Variants in FGF13 observed in about 807,000 individuals in gnomAD.
The protein encoded by FGF13 is fibroblast growth factor 13.
In FGF13, 2 loss-of-function variants were observed where a neutral mutation model predicts 19.5. The ratio of observed to expected loss-of-function variants is 0.10; its 90% CI spans 0.04 to 0.32. The LOEUF (loss-of-function observed/expected upper bound fraction) is 0.32. Among genes scored for constraint, FGF13 ranks in the 10% least tolerant of loss-of-function variants. The pLI is 1.00. For missense variants in FGF13, 113 were observed against 192.7 expected, an observed-to-expected ratio of 0.59 and a Z score of 2.45; for synonymous variants, 72 against 76.9, an observed-to-expected ratio of 0.94 and a Z score of 0.33.
chrX:139,184,196 T>A (rs2084263048), intron 1 of FGF13, among the ~76,000 whole-genome samples: 1 of 112,224 alleles, frequency 8.9e-6, no homozygotes, highest in African/African-American at 3.2e-5. Context: ...TACAGAAATT[T>A]CAGAGAGTAC....
intron 1 of FGF13, among the ~76,000 whole-genome samples, chrX:139,122,420 G>T (rs1338522674): frequency 9.0e-6 from 1 of 111,211 alleles, no homozygotes; most frequent in Non-Finnish European, 1.9e-5. Flanking sequence ...CTCCAAGCAG[G>T]TTTTCATCTC....
At chrX:138,834,822 C>T (rs1460822392) in intron 3 of FGF13, among the ~76,000 whole-genome samples, 2 of 111,459 alleles carry the variant, frequency 1.8e-5, no homozygotes, top group African/African-American at 6.5e-5. Flanking sequence ...CTTACCACTG[C>T]TTTAGCTGTG....
intron 1 of FGF13, among the ~76,000 whole-genome samples, chrX:138,911,985 T>G (rs1452758707): frequency 2.7e-5 from 3 of 112,180 alleles, no homozygotes; most frequent in Non-Finnish European, 3.8e-5. Context: ...CCTTGGTCTC[T>G]GAGCAAACAG....
intron 3 of FGF13, among the ~76,000 whole-genome samples, chrX:138,640,693 C>T (rs999931753): frequency 1.2e-4 from 14 of 112,080 alleles, no homozygotes; most frequent in East Asian, 2.8e-4. Flanking sequence ...GTTGTTTCAG[C>T]GTCTTAAACA....
intron 1 of FGF13, among the ~76,000 whole-genome samples, chrX:139,004,202 C>G (rs908307423): frequency 1.8e-5 from 2 of 112,785 alleles, no homozygotes; most frequent in South Asian, 3.6e-4. Flanking sequence ...GGTGAGAAAT[C>G]GAGCGCAGCG....
At chrX:139,110,718 T>C (rs1007301216) in intron 1 of FGF13, among the ~76,000 whole-genome samples, 1 of 112,390 alleles carries the variant, frequency 8.9e-6, no homozygotes, top group Admixed American at 9.4e-5. Context: ...CTCCAGCTGT[T>C]TAGCTTTTTA....
At chrX:138,787,803 C>T (rs1028886492) in intron 3 of FGF13, among the ~76,000 whole-genome samples, 1 of 109,490 alleles carries the variant, frequency 9.1e-6, no homozygotes, top group Non-Finnish European at 1.9e-5. Context: ...AGTGAGAACA[C>T]TGTCTTCTTC....
chrX:138,945,915 T>C, intron 1 of FGF13, among the ~76,000 whole-genome samples: 1 of 111,760 alleles, frequency 8.9e-6, no homozygotes, highest in South Asian at 3.8e-4. Flanking sequence ...TATGATTTTT[T>C]TTGTCAACCT....
chrX:139,033,898 CAT>C (rs2092240758), intron 1 of FGF13, among the ~76,000 whole-genome samples: 1 of 111,703 alleles, frequency 9.0e-6, no homozygotes, highest in African/African-American at 3.3e-5. Flanking sequence ...TCCATTGCTA[CAT>C]GTCTTATTAT....
intron 1 of FGF13, among the ~76,000 whole-genome samples, chrX:139,002,478 G>C (rs1353958849): frequency 9.0e-6 from 1 of 111,420 alleles, no homozygotes; most frequent in Non-Finnish European, 1.9e-5. Context: ...GCAAGTCCTA[G>C]TGCTAAACTT....
Position 138,790,708 on chromosome X carries a change from A to C in FGF13, c.217+66804T>G, listed in dbSNP as rs1275806937. 1.8e-5 allele frequency among the ~76,000 whole-genome samples: 2 copies of C among 112,297 alleles called. 1 individual carries two copies. Among genetic ancestry groups the C allele is most frequent in the Non-Finnish European group, 3.8e-5 (2 of 53,308 alleles). ...GCTTCTTATTCATCTTCTCAAATGCAGCTGAATTGTCCCCTCCTCTTGGAA... is the reference window on the plus strand; with the variant it reads ...GCTTCTTATTCATCTTCTCAAATGCCGCTGAATTGTCCCCTCCTCTTGGAA... On this transcript the variant is annotated intron_variant, in intron 3 of 6. Coordinates refer to the FGF13 transcript ENST00000436198.
chrX:139,075,101 T>C (rs2092387821), intron 1 of FGF13, among the ~76,000 whole-genome samples: 1 of 112,073 alleles, frequency 8.9e-6, no homozygotes, highest in Non-Finnish European at 1.9e-5. Context: ...AACATATGAA[T>C]AACTTGATTA....
At chrX:138,800,359 C>G in intron 3 of FGF13, among the ~76,000 whole-genome samples, 1 of 111,454 alleles carries the variant, frequency 9.0e-6, no homozygotes, top group Non-Finnish European at 1.9e-5. Context: ...ATATGAAAGT[C>G]TGGGTTGAAA....
At chrX:139,072,375 C>T (rs774111330) in intron 1 of FGF13, among the ~76,000 whole-genome samples, 1 of 110,799 alleles carries the variant, frequency 9.0e-6, no homozygotes, top group East Asian at 2.8e-4. Context: ...GAGACTTTAC[C>T]AGACACCCTC....
intron 1 of FGF13, 107 bp from the exon 2 acceptor site, chrX:138,709,035 G>A: frequency 2.3e-6 from 1 of 440,107 alleles, no homozygotes; most frequent in Non-Finnish European, 3.9e-6. Context: ...AATGGAAAAA[G>A]TCAAACTACA....
chrX:139,160,900 G>T (rs890286925), intron 1 of FGF13, among the ~76,000 whole-genome samples: 1 of 111,627 alleles, frequency 9.0e-6, no homozygotes, highest in Non-Finnish European at 1.9e-5. Context: ...ATTCACAGCT[G>T]AATTCTACCA....
chrX:138,779,735 ACT>A (rs2090622850), intron 3 of FGF13, among the ~76,000 whole-genome samples: 1 of 108,735 alleles, frequency 9.2e-6, no homozygotes, highest in Non-Finnish European at 1.9e-5. Context: ...GTTGGAAAAC[ACT>A]CTGCAGGATA....
At chrX:138,735,804 A>G (rs1376184372) in intron 1 of FGF13, among the ~76,000 whole-genome samples, 1 of 112,079 alleles carries the variant, frequency 8.9e-6, no homozygotes, top group Non-Finnish European at 1.9e-5. Flanking sequence ...TCTTGTTTTC[A>G]TTCTGACATT....
intron 1 of FGF13, among the ~76,000 whole-genome samples, chrX:138,876,956 G>C (rs1417756485): frequency 8.9e-6 from 1 of 112,203 alleles, no homozygotes; most frequent in African/African-American, 3.2e-5. Flanking sequence ...TAAAGTGTCG[G>C]TACTATTTCT....
Sources: allele counts gnomAD v4.1 joint callset (sites outside exome capture counted in the v4.1 genomes callset), GRCh38; gene constraint gnomAD v4.1.1; transcripts MANE v1.5; gene names NCBI Gene and HGNC (gene_info 2026-07-23, HGNC 2026-07-21).